The following NEMP2 variants were observed in gnomAD, a reference collection of about 807,000 sequenced individuals.
The protein encoded by NEMP2 is UPF0571 transmembrane protein.
A neutral mutation model predicts 54.2 loss-of-function variants in NEMP2; 53 were observed. The observed-to-expected ratio is 0.98, with a 90% CI of 0.78 to 1.23. The LOEUF is 1.23. Among genes scored for constraint, NEMP2 ranks in the 50% most tolerant of loss-of-function variants. The pLI is 0.00. For synonymous variants in NEMP2, 197 were observed against 190.3 expected (o/e 1.04, Z -0.29); for missense variants, 455 against 511.3 (o/e 0.89, Z 1.06).
chr2:190,565,031 G>T, the NEMP2 span, among the ~76,000 whole-genome samples: 1 of 152,306 alleles, frequency 6.6e-6, no homozygotes, highest in East Asian at 1.9e-4. Context: ...GAGAGTGGGG[G>T]TGAGGTACGG....
chr2:190,466,055 CCT>C, the NEMP2 span, among the ~76,000 whole-genome samples: 2 of 152,302 alleles, frequency 1.3e-5, no homozygotes, highest in African/African-American at 2.4e-5. Context: ...CTTCCAAGGG[CCT>C]CTCTCTTTGG....
chr2:190,443,300 CAG>C, the NEMP2 span, among the ~76,000 whole-genome samples: 1 of 152,144 alleles, frequency 6.6e-6, no homozygotes, highest in Non-Finnish European at 1.5e-5. The surrounding 1 kb of genome is among the most constrained non-coding windows in gnomAD (Gnocchi z 4.2). Flanking sequence ...GGACAAGTTA[CAG>C]AACTTTTTGC....
At chr2:190,628,760 T>A in the NEMP2 span, 1 of 152,118 alleles carries the variant, frequency 6.6e-6, no homozygotes, top group Non-Finnish European at 1.5e-5. The surrounding 1 kb of genome is among the most constrained non-coding windows in gnomAD (Gnocchi z 4.1). Context: ...AAATCTACAG[T>A]GAGAAAAATA....
chr2:190,515,364 A>G (rs1047426734), intron 6 of NEMP2, among the ~76,000 whole-genome samples: 1 of 152,230 alleles, frequency 6.6e-6, no homozygotes, highest in East Asian at 1.9e-4. Context: ...CACTATGATG[A>G]AAAAAGAACT....
chr2:190,547,083 C>T, the NEMP2 span, among the ~76,000 whole-genome samples: 2 of 152,248 alleles, frequency 1.3e-5, no homozygotes, highest in Non-Finnish European at 2.9e-5. The surrounding 1 kb of genome is among the most constrained non-coding windows in gnomAD (Gnocchi z 6.2). Flanking sequence ...TGAAAGCTCT[C>T]ATCTTCACCT....
the NEMP2 span, among the ~76,000 whole-genome samples, chr2:190,428,215 T>C: frequency 6.6e-6 from 1 of 152,230 alleles, no homozygotes; most frequent in African/African-American, 2.4e-5. Flanking sequence ...CAGTATTTCT[T>C]TGGATGGAAA....
chr2:190,567,439 A>C, the NEMP2 span, among the ~76,000 whole-genome samples: 1 of 152,124 alleles, frequency 6.6e-6, no homozygotes, highest in African/African-American at 2.4e-5. This position sits in a 1 kb window ranked among gnomAD's most constrained non-coding sequence, Gnocchi z 4.0. Flanking sequence ...CAACACAACA[A>C]ATAAAAAACG....
At chr2:190,498,838 G>A in the NEMP2 span, among the ~76,000 whole-genome samples, 1 of 152,006 alleles carries the variant, frequency 6.6e-6, no homozygotes, top group Non-Finnish European at 1.5e-5. The surrounding 1 kb of genome is among the most constrained non-coding windows in gnomAD (Gnocchi z 5.9). Flanking sequence ...CTTTTTTTCT[G>A]GTATGTTAGG....
the NEMP2 span, chr2:190,648,210 A>C: frequency 6.6e-6 from 1 of 152,288 alleles, no homozygotes; most frequent in Admixed American, 6.5e-5. Flanking sequence ...AAAGGTTGGA[A>C]TTAAATTACC....
At chr2:190,591,583 C>T in the NEMP2 span, among the ~76,000 whole-genome samples, 1 of 152,110 alleles carries the variant, frequency 6.6e-6, no homozygotes, top group Non-Finnish European at 1.5e-5. This position sits in a 1 kb window ranked among gnomAD's most constrained non-coding sequence, Gnocchi z 5.4. Context: ...TTTCTGTGGT[C>T]ACTATAAAGC....
At chr2:190,473,182 C>A in the NEMP2 span, among the ~76,000 whole-genome samples, 1 of 152,244 alleles carries the variant, frequency 6.6e-6, no homozygotes, top group East Asian at 1.9e-4. Flanking sequence ...CATCAACCAA[C>A]AAGCAAAATC....
chr2:190,465,336 T>G, the NEMP2 span, among the ~76,000 whole-genome samples: 2 of 152,230 alleles, frequency 1.3e-5, no homozygotes, highest in Admixed American at 1.3e-4. This position sits in a 1 kb window ranked among gnomAD's most constrained non-coding sequence, Gnocchi z 4.6. Flanking sequence ...TTATTACTAC[T>G]GACTTCCTGT....
At chr2:190,441,307 G>A in the NEMP2 span, among the ~76,000 whole-genome samples, 5 of 152,132 alleles carry the variant, frequency 3.3e-5, no homozygotes, top group East Asian at 9.7e-4. Flanking sequence ...AGCTTTTAAA[G>A]CTCCTAATGC....
chr2:190,502,331 T>C (rs1425046070), downstream of NEMP2: 1 of 152,234 alleles, frequency 6.6e-6, no homozygotes, highest in African/African-American at 2.4e-5. This position sits in a 1 kb window ranked among gnomAD's most constrained non-coding sequence, Gnocchi z 4.4. Flanking sequence ...TTTGAGATTT[T>C]GTAACCCCTC....
chr2:190,499,842 G>T, downstream of NEMP2: 1 of 1,545,238 alleles, frequency 6.5e-7, no homozygotes. This position sits in a 1 kb window ranked among gnomAD's most constrained non-coding sequence, Gnocchi z 6.0. Flanking sequence ...TTGCACATAG[G>T]AAAGGAGATG....
chr2:190,480,844 G>A, the NEMP2 span, among the ~76,000 whole-genome samples: 52 of 152,200 alleles, frequency 3.4e-4, no homozygotes, highest in African/African-American at 1.2e-3. Flanking sequence ...TCTAATAAAT[G>A]TTAGAAAACA....
chr2:190,642,579 C>T, the NEMP2 span, among the ~76,000 whole-genome samples: 1 of 152,026 alleles, frequency 6.6e-6, no homozygotes, highest in African/African-American at 2.4e-5. This position sits in a 1 kb window ranked among gnomAD's most constrained non-coding sequence, Gnocchi z 4.1. Flanking sequence ...AATTTCCATG[C>T]ATTTAAAAGT....
At chr2:190,431,088 G>C in the NEMP2 span, among the ~76,000 whole-genome samples, 1 of 145,424 alleles carries the variant, frequency 6.9e-6, no homozygotes, top group Non-Finnish European at 1.5e-5. The surrounding 1 kb of genome is among the most constrained non-coding windows in gnomAD (Gnocchi z 4.4). Context: ...GGGCAGAGGC[G>C]CTCCTCACAT....
At chr2:190,568,815 TC>T in the NEMP2 span, among the ~76,000 whole-genome samples, 1 of 151,896 alleles carries the variant, frequency 6.6e-6, no homozygotes, top group Non-Finnish European at 1.5e-5. This position sits in a 1 kb window ranked among gnomAD's most constrained non-coding sequence, Gnocchi z 4.7. Context: ...AGAGCAAAAC[TC>T]CATCTCAAAA....
Sources: gnomAD v4.1 joint callset for allele counts (sites outside exome capture counted in the v4.1 genomes callset) on GRCh38, gnomAD v4.1.1 for gene constraint, Gnocchi (gnomAD v3.1) non-coding constraint, MANE v1.5 for transcripts, NCBI Gene and HGNC (gene_info 2026-07-23, HGNC 2026-07-21) for gene names.